PKD1L3: variants seen among roughly 807,000 people sequenced by gnomAD.
PKD1L3 encodes the protein polycystin 1 like 3, transient receptor potential channel interacting.
Under a neutral mutation model 184.1 loss-of-function variants are expected in PKD1L3, and 239 were observed. The ratio of observed to expected loss-of-function variants is 1.30; its 90% CI spans 1.17 to 1.45. The LOEUF (loss-of-function observed/expected upper bound fraction) is 1.45. PKD1L3 is among the 40% of genes most tolerant of loss of function. The probability of loss-of-function intolerance (pLI) is 0.00; values close to 1 mark genes in which losing one functional copy is unlikely to be tolerated. For missense variants in PKD1L3, 2,660 were observed against 2,067.2 expected (o/e 1.29, Z -5.56); for synonymous variants, 996 against 778.8 (o/e 1.28, Z -4.64).
At position 71,954,273 on chromosome 16, in the gene PKD1L3, T is replaced by A. The variant is rs1301641782; in HGVS notation, c.2641A>T (p.Lys881Ter). The A allele has an allele frequency of 6.5e-7, 1 of 1,545,484 alleles. No individual in the cohort carries two copies. The highest frequency in any genetic ancestry group is 1.2e-5 in the South Asian group (1 of 82,986). ...RHLFSSMIVE[K>*]FTQDYLWLSI... The stretch of plus-strand genomic sequence containing the variant: ...AGCCACAGATAATCCTGGGTGAACT[T>A]TTCCACAATCATGGAGGAAAACAGA... The change falls in exon 17 of 30, where the codon AAG becomes TAG. Residue 881 changes from lysine (K) to a stop codon, truncating the protein, a stop_gained. Transcript: ENST00000620267. LOFTEE classifies it high-confidence loss of function.
chr16:71,945,408 T>A (rs62053802), intron 22 of PKD1L3, among the ~76,000 whole-genome samples: 5 of 64,984 alleles, frequency 7.7e-5, no homozygotes, highest in East Asian at 1.7e-3. Flanking sequence ...ATTTATTTAT[T>A]TATTTATTTA....
At chr16:71,969,469 C>CT (rs2039627602) in intron 13 of PKD1L3, among the ~76,000 whole-genome samples, 2 of 116,304 alleles carry the variant, frequency 1.7e-5, no homozygotes, top group African/African-American at 7.2e-5. Flanking sequence ...CCATGCCAGG[C>CT]TCTTTTTTTT....
chr16:71,993,643 C>A (rs1274245574), intron 2 of PKD1L3, among the ~76,000 whole-genome samples: 1 of 152,176 alleles, frequency 6.6e-6, no homozygotes, highest in East Asian at 1.9e-4. Context: ...TTAAGGTCAT[C>A]GCCAGGGTCT....
chr16:71,995,088 C>T (rs2040737601), intron 2 of PKD1L3, among the ~76,000 whole-genome samples: 4 of 152,134 alleles, frequency 2.6e-5, no homozygotes, highest in Admixed American at 2.6e-4. Flanking sequence ...TTATAAAGAA[C>T]AGAAATCTAA....
At chr16:71,948,149 T>C (rs1243782348) in intron 21 of PKD1L3, among the ~76,000 whole-genome samples, 2 of 152,140 alleles carry the variant, frequency 1.3e-5, no homozygotes, top group Admixed American at 6.6e-5. Flanking sequence ...CGGCACGATC[T>C]TGGCTCAGTG....
At position 71,980,126 on chromosome 16, in the gene PKD1L3, G is replaced by T. The variant is rs1365215321; in HGVS notation, c.1152C>A (p.Asp384Glu). 1.3e-6 allele frequency: 2 copies of T among 1,551,554 alleles called. No homozygotes were observed. The highest frequency in any genetic ancestry group is 2.7e-5 in the African/African-American group (2 of 73,170). The change falls in exon 8 of 30, where the codon GAC (aspartate) becomes GAA (glutamate). Residue 384 changes from aspartate (D) to glutamate (E), a missense_variant. Asp to Glu is a conservative substitution (Grantham distance 45, BLOSUM62 2). Coordinates refer to ENST00000620267, the MANE Select transcript of PKD1L3 (RefSeq NM_181536.2). ...ACTCCACCAAGGACATTTCCAGGAT[G>T]TCTTCTACCTGCATGGAAAGGAAAA... ...ESKRHTEPVE[D>E]ILEMSLVEFG...
At chr16:71,934,576 G>C (rs540347785) in intron 26 of PKD1L3, among the ~76,000 whole-genome samples, 1 of 152,288 alleles carries the variant, frequency 6.6e-6, no homozygotes, top group East Asian at 1.9e-4. Flanking sequence ...GTGCAATCAA[G>C]CTTAGAACAA....
chr16:71,959,768 A>C (rs1265414469), intron 16 of PKD1L3, among the ~76,000 whole-genome samples: 2 of 152,176 alleles, frequency 1.3e-5, no homozygotes, highest in Admixed American at 6.5e-5. Flanking sequence ...GTGGAAAAAC[A>C]AGAGGAGAAA....
rs1597345509 is a variant in PKD1L3, at chr16:71,973,304, G to A, written c.1953+20C>T. 1 of 1,549,900 alleles carries A rather than the reference G, an allele frequency of 6.5e-7. No individual in the cohort carries two copies. Among genetic ancestry groups the A allele is most frequent in the Non-Finnish European group, 8.7e-7 (1 of 1,146,082 alleles). On this transcript the variant is annotated intron_variant, in intron 12 of 29. Coordinates refer to ENST00000620267, the MANE Select transcript of PKD1L3 (RefSeq NM_181536.2). ...TAGCTATGGCAGAAGAGAGGCCCAA[G>A]AAGCGGCTCAGTTTCTTACTTGGCA...
chr16:71,961,316 T>G (rs894857992), intron 16 of PKD1L3, among the ~76,000 whole-genome samples: 5 of 151,806 alleles, frequency 3.3e-5, no homozygotes, highest in Admixed American at 1.3e-4. Flanking sequence ...AGAGAAGGGG[T>G]TTTACCATGT....
chr16:71,953,951 C>G (rs1055644469), intron 17 of PKD1L3, among the ~76,000 whole-genome samples, 154 bp downstream of exon 17: 1 of 152,008 alleles, frequency 6.6e-6, no homozygotes. Flanking sequence ...CATGGTGACT[C>G]GTGCCTGTAA....
intron 16 of PKD1L3, among the ~76,000 whole-genome samples, chr16:71,958,805 A>G (rs1166614491): frequency 8.0e-5 from 9 of 112,030 alleles, no homozygotes; most frequent in Non-Finnish European, 1.5e-4. Context: ...AAAAAAAAAA[A>G]GTCGGGCACG....
At chr16:71,964,676 C>A (rs2039429418) in intron 15 of PKD1L3, among the ~76,000 whole-genome samples, 1 of 151,594 alleles carries the variant, frequency 6.6e-6, no homozygotes, top group Non-Finnish European at 1.5e-5. Flanking sequence ...TACACCAGCA[C>A]CATCAAAATA....
Position 71,980,108 on chromosome 16 carries a change from C to T in PKD1L3, c.1170G>A (p.Leu390=). The T allele has an allele frequency of 2.6e-6, 4 of 1,551,644 alleles. No individual in the cohort carries two copies. Among genetic ancestry groups the T allele is most frequent in the Non-Finnish European group, 3.5e-6 (4 of 1,146,930 alleles). The change falls in exon 8 of 30, where the codon TTG becomes TTA. Residue 390 remains leucine (L), a synonymous_variant. Coordinates refer to ENST00000620267, the MANE Select transcript of PKD1L3 (RefSeq NM_181536.2). The part of the protein sequence containing the change: ...EPVEDILEMS[L]VEFGNIGEAF... ...CTTCCCCGATATTCCCAAACTCCAC[C>T]AAGGACATTTCCAGGATGTCTTCTA...
At position 71,950,201 on chromosome 16, in the gene PKD1L3, G is replaced by A. The variant is rs771914942; in HGVS notation, c.3300C>T (p.Asp1100=). Residue 1100 remains aspartate, a synonymous_variant, in exon 20 of 30, where the codon GAC becomes GAT. Transcript: ENST00000620267. ...GAAGTTGGCTGGCTGCATCTAGGAA[G>A]TCACAGGACTGGTGACCCTGGGTGA... The part of the protein sequence containing the change: ...LGLTQGHQSC[D]FLDAASQLQK... The A allele has an allele frequency of 4.3e-5, 67 of 1,552,310 alleles. 1 individual carries two copies. In the South Asian group the frequency reaches 6.9e-4, roughly 16 times the overall value.
chr16:71,973,921 G>C (rs1168927106), intron 11 of PKD1L3, among the ~76,000 whole-genome samples: 1 of 151,532 alleles, frequency 6.6e-6, no homozygotes, highest in Admixed American at 6.6e-5. Flanking sequence ...AAAATTGCTT[G>C]AACTTGGGAG....
chr16:72,000,086 G>A lies in PKD1L3; in HGVS notation c.-108C>T, dbSNP rs1026491852. ...TATTAGTATTATTCTTTTATGAATT[G>A]GGAACAATTTACCAAGGATACAAAA... On this transcript the variant is annotated 5_prime_UTR_variant, in exon 1 of 30. Transcript: ENST00000620267. 48 of 961,390 alleles carry A rather than the reference G, an allele frequency of 5.0e-5. No homozygotes were observed. The highest frequency in any genetic ancestry group is 6.8e-5 in the Non-Finnish European group (47 of 693,860). 59.6% of individuals were successfully genotyped at this position (961,390 alleles called of 1,614,324 possible). A position where few individuals can be genotyped will look rare whatever the true frequency, so the allele number is the denominator to read the frequency against.
intron 1 of PKD1L3, among the ~76,000 whole-genome samples, chr16:71,999,099 G>C (rs911091173): frequency 6.6e-6 from 1 of 151,794 alleles, no homozygotes; most frequent in Non-Finnish European, 1.5e-5. Context: ...GTGAAACCCC[G>C]TCTCTACTAA....
chr16:71,993,242 G>A lies in PKD1L3; in HGVS notation c.509C>T (p.Ala170Val), dbSNP rs779499857. The A allele has an allele frequency of 2.3e-5, 36 of 1,549,502 alleles. No individual in the cohort carries two copies. The highest frequency in any genetic ancestry group is 1.7e-4 in the Middle Eastern group (1 of 6,008). The change falls in exon 3 of 30, where the codon GCA (alanine) becomes GTA (valine). Residue 170 changes from alanine (A) to valine (V), a missense_variant. Coordinates refer to ENST00000620267, the MANE Select transcript of PKD1L3 (RefSeq NM_181536.2). ...TGGGGGCATTTTGTCTCTTGCTATT[G>A]CAACTCCTCTTTTTGTCTTCTTGTG... ...QRHKKTKRGV[A>V]IARDKMPPGP...
Sources: gnomAD v4.1 joint callset for allele counts (sites outside exome capture counted in the v4.1 genomes callset) on GRCh38, gnomAD v4.1.1 for gene constraint, MANE v1.5 for transcripts, NCBI Gene and HGNC (gene_info 2026-07-23, HGNC 2026-07-21) for gene names.